Variants in CLEC4A observed in about 807,000 individuals in gnomAD.
The protein encoded by CLEC4A is C-type (calcium dependent, carbohydrate-recognition domain) lectin, superfamily member 6.
A neutral mutation model predicts 32.7 loss-of-function variants in CLEC4A; 27 were observed. The ratio of observed to expected loss-of-function variants is 0.83; its 90% CI spans 0.61 to 1.14. CLEC4A has a LOEUF of 1.14. Ranked by LOEUF, CLEC4A falls within the 50% of genes most tolerant of loss-of-function variation. The probability of loss-of-function intolerance (pLI) is 0.00; values close to 1 mark genes in which losing one functional copy is unlikely to be tolerated. For missense variants in CLEC4A, 253 were observed against 274.6 expected, an observed-to-expected ratio of 0.92 and a Z score of 0.55; for synonymous variants, 89 against 93.7, an observed-to-expected ratio of 0.95 and a Z score of 0.29.
the CLEC4A span, among the ~76,000 whole-genome samples, chr12:8,111,921 ATATGTGTGTGTGTGTGTGTG>A: frequency 6.7e-4 from 74 of 109,772 alleles, 1 homozygote; most frequent in South Asian, 0.019. Flanking sequence ...GTGAGTGTGT[ATATGTGTGTGTGTGTGTGTG>A]TGTGTGTGTG....
the CLEC4A span, among the ~76,000 whole-genome samples, chr12:8,116,311 A>G: frequency 6.6e-6 from 1 of 152,154 alleles, no homozygotes; most frequent in East Asian, 1.9e-4. Flanking sequence ...TATGTTGCCC[A>G]GGCTGGTCTC....
chr12:8,125,512 G>A lies in CLEC4A; in HGVS notation c.83-49G>A, dbSNP rs1420267676. On this transcript the variant is annotated intron_variant, in intron 1 of 5. Transcript: ENST00000229332. ...GAAAGAGGAGGAGGAAGAAGAGGAA[G>A]TAAAGACCAAACTTATTACTGATAA... The A allele has an allele frequency of 4.8e-6, 5 of 1,052,046 alleles. No individual in the cohort carries two copies. The East Asian group carries it at 1.2e-4, about 25-fold the overall frequency. 65.2% of individuals were successfully genotyped at this position (1,052,046 alleles called of 1,614,324 possible). A position where few individuals can be genotyped will look rare whatever the true frequency, so the allele number is the denominator to read the frequency against.
At chr12:8,117,351 G>A in the CLEC4A span, among the ~76,000 whole-genome samples, 1 of 152,114 alleles carries the variant, frequency 6.6e-6, no homozygotes, top group Non-Finnish European at 1.5e-5. Flanking sequence ...TGATTCTCCT[G>A]CTTCAGCCTC....
chr12:8,131,013 A>G (rs1264567935), intron 3 of CLEC4A, among the ~76,000 whole-genome samples: 1 of 152,158 alleles, frequency 6.6e-6, no homozygotes, highest in Non-Finnish European at 1.5e-5. Flanking sequence ...TGACCCTGAC[A>G]GTTTTGAGCA....
Position 8,129,148 on chromosome 12 carries a change from C to T in CLEC4A, c.200-116C>T, listed in dbSNP as rs748319813. On this transcript the variant is annotated intron_variant, in intron 2 of 5. Coordinates refer to ENST00000229332, the MANE Select transcript of CLEC4A (RefSeq NM_016184.4). ...CAGTATGGGAAATCTTTTCCCTCTA[C>T]TCCAGTAATAGGGCATTTGTAAGTT... 19 of 622,818 alleles carry T rather than the reference C, an allele frequency of 3.1e-5. 1 individual carries two copies. In the South Asian group the frequency reaches 3.8e-4, roughly 12 times the overall value. 38.6% of individuals were successfully genotyped at this position (622,818 alleles called of 1,614,324 possible). A position where few individuals can be genotyped will look rare whatever the true frequency, so the allele number is the denominator to read the frequency against.
intron 3 of CLEC4A, among the ~76,000 whole-genome samples, chr12:8,131,083 A>G (rs1435091229): frequency 6.6e-6 from 1 of 152,216 alleles, no homozygotes; most frequent in Admixed American, 6.5e-5. Context: ...TGTTTTTCTA[A>G]TAATTAGACT....
the CLEC4A span, among the ~76,000 whole-genome samples, chr12:8,112,309 T>C: frequency 6.6e-6 from 1 of 152,176 alleles, no homozygotes; most frequent in South Asian, 2.1e-4. Context: ...GGGATATGAC[T>C]GATCCCATCA....
chr12:8,134,792 A>G (rs1352591931), intron 3 of CLEC4A: 78 of 1,552,006 alleles, frequency 5.0e-5, no homozygotes, highest in Non-Finnish European at 6.6e-5. Context: ...CCCCTGGCCC[A>G]TCACCTCCAC....
upstream of CLEC4A, among the ~76,000 whole-genome samples, chr12:8,119,697 T>A (rs1268492706): frequency 6.6e-6 from 1 of 152,212 alleles, no homozygotes; most frequent in East Asian, 1.9e-4. Flanking sequence ...CTAACGAATA[T>A]CTTGTTTTCA....
Position 8,125,685 on chromosome 12 carries a change from T to C in CLEC4A, c.199+8T>C, listed in dbSNP as rs1947889792. On this transcript the variant is annotated splice_region_variant and intron_variant, in intron 2 of 5. Transcript: ENST00000229332. The stretch of plus-strand genomic sequence containing the variant: ...TCTTTATTGCTTTTGTCAGTAAGTA[T>C]GCCAACTGAACCAATAAGCAATATC... The C allele has an allele frequency of 2.0e-6, 3 of 1,513,562 alleles. No individual in the cohort carries two copies. Among genetic ancestry groups the C allele is most frequent in the African/African-American group, 1.4e-5 (1 of 73,082 alleles). The allele number at this position is 1,513,562 out of a possible 1,614,324, so 93.8% of individuals were successfully genotyped here.
At chr12:8,125,706 A>G (rs775958662) in intron 2 of CLEC4A, 29 bp downstream of exon 2, 38 of 1,290,730 alleles carry the variant, frequency 2.9e-5, no homozygotes, top group African/African-American at 1.6e-4. Context: ...CCAATAAGCA[A>G]TATCTGCTGT....
At chr12:8,134,140 C>T in intron 3 of CLEC4A, 1 of 1,604,966 alleles carries the variant, frequency 6.2e-7, no homozygotes. Flanking sequence ...TCACTTGGTT[C>T]TCGATACTGG....
At chr12:8,114,313 C>T in the CLEC4A span, among the ~76,000 whole-genome samples, 24 of 151,920 alleles carry the variant, frequency 1.6e-4, no homozygotes, top group East Asian at 9.6e-4. Flanking sequence ...GGCGTGATCT[C>T]GGCTCACTGC....
In CLEC4A at chr12:8,129,263, G is replaced by T. The variant is rs1485168659; in HGVS notation, c.200-1G>T. 1.3e-6 allele frequency: 2 copies of T among 1,573,422 alleles called. No individual in the cohort carries two copies. Among genetic ancestry groups the T allele is most frequent in the African/African-American group, 2.7e-5 (2 of 73,352 alleles). ...TAAATGGTCTTTATTCTCTTTTCCA[G>T]TTTTCTTTCAAAAATATTCTCAGCT... is the stretch of plus-strand genomic sequence containing the variant. On this transcript the variant is annotated splice_acceptor_variant, in intron 2 of 5. Coordinates refer to ENST00000229332, the MANE Select transcript of CLEC4A (RefSeq NM_016184.4). LOFTEE classifies it high-confidence loss of function.
chr12:8,124,318 C>T (rs1947867529), intron 1 of CLEC4A, among the ~76,000 whole-genome samples: 2 of 152,096 alleles, frequency 1.3e-5, no homozygotes, highest in Admixed American at 1.3e-4. Context: ...AACCATCAAT[C>T]CAGATGCAGG....
At chr12:8,108,173 T>C in the CLEC4A span, among the ~76,000 whole-genome samples, 1 of 152,226 alleles carries the variant, frequency 6.6e-6, no homozygotes, top group Admixed American at 6.5e-5. Context: ...GGTTGTTTAA[T>C]TTCCATGCAA....
the CLEC4A span, among the ~76,000 whole-genome samples, chr12:8,112,366 CCTT>C: frequency 6.6e-6 from 1 of 152,090 alleles, no homozygotes; most frequent in South Asian, 2.1e-4. Context: ...CCCTTGTCTC[CCTT>C]CCTCCCTCCC....
the CLEC4A span, among the ~76,000 whole-genome samples, chr12:8,113,560 T>A: frequency 2.6e-5 from 4 of 152,182 alleles, no homozygotes; most frequent in Non-Finnish European, 5.9e-5. Flanking sequence ...TTTTGTCCCT[T>A]AGCAGCAGCC....
upstream of CLEC4A, among the ~76,000 whole-genome samples, chr12:8,119,804 C>T (rs1565651582): frequency 6.6e-6 from 1 of 152,182 alleles, no homozygotes; most frequent in Non-Finnish European, 1.5e-5. Context: ...CTTCATAAGA[C>T]TGCCATTACT....
Sources: gnomAD v4.1 joint callset for allele counts (sites outside exome capture counted in the v4.1 genomes callset) on GRCh38, gnomAD v4.1.1 for gene constraint, MANE v1.5 for transcripts, NCBI Gene and HGNC (gene_info 2026-07-23, HGNC 2026-07-21) for gene names.